TTC29: variants seen among roughly 807,000 people sequenced by gnomAD.
TTC29 encodes the protein tetratricopeptide repeat protein 29.
A neutral mutation model predicts 58.1 loss-of-function variants in TTC29; 49 were observed. The ratio of observed to expected loss-of-function variants is 0.84; its 90% CI spans 0.67 to 1.07. The LOEUF is 1.07. TTC29 is among the 50% of genes least tolerant of loss of function. TTC29 has a pLI of 0.00. For synonymous variants in TTC29, 209 were observed against 196.8 expected, an observed-to-expected ratio of 1.06 and a Z score of -0.52; for missense variants, 582 against 555.6, an observed-to-expected ratio of 1.05 and a Z score of -0.48.
intron 11 of TTC29, among the ~76,000 whole-genome samples, chr4:146,719,921 A>C (rs1437670775): frequency 6.6e-6 from 1 of 152,162 alleles, no homozygotes; most frequent in African/African-American, 2.4e-5. Context: ...ATTTGGTGCC[A>C]CGTAAGTGAA....
At chr4:146,759,100 G>T (rs1314225779) in intron 11 of TTC29, among the ~76,000 whole-genome samples, 1 of 151,956 alleles carries the variant, frequency 6.6e-6, no homozygotes, top group Non-Finnish European at 1.5e-5. Context: ...GATTAACCAA[G>T]GAGAGAGAAA....
At chr4:146,836,970 T>C (rs1041276082) in intron 8 of TTC29, among the ~76,000 whole-genome samples, 3 of 152,058 alleles carry the variant, frequency 2.0e-5, no homozygotes, top group African/African-American at 7.2e-5. Context: ...GAACTACCAT[T>C]CAACCCAGCA....
intron 11 of TTC29, among the ~76,000 whole-genome samples, chr4:146,740,347 G>T (rs1745029058): frequency 6.6e-6 from 1 of 152,226 alleles, no homozygotes; most frequent in East Asian, 1.9e-4. Context: ...GTAACAAAGA[G>T]GATGTTGAAG....
intron 10 of TTC29, among the ~76,000 whole-genome samples, chr4:146,810,451 C>G (rs1750938438): frequency 6.6e-6 from 1 of 151,992 alleles, no homozygotes. Flanking sequence ...CAAATATTGG[C>G]AGTTTCATAT....
intron 10 of TTC29, among the ~76,000 whole-genome samples, chr4:146,807,793 CA>C (rs1750717482): frequency 6.6e-6 from 1 of 152,112 alleles, no homozygotes; most frequent in Non-Finnish European, 1.5e-5. Context: ...GATCCACAGC[CA>C]AATTCTATCA....
chr4:146,803,122 T>C (rs1750347738), intron 11 of TTC29, among the ~76,000 whole-genome samples: 1 of 152,102 alleles, frequency 6.6e-6, no homozygotes. Context: ...AGGTATAACA[T>C]GGCGCATGCT....
intron 4 of TTC29, among the ~76,000 whole-genome samples, chr4:146,921,487 A>C (rs549627624): frequency 6.1e-4 from 92 of 151,366 alleles, no homozygotes; most frequent in South Asian, 1.9e-3. Flanking sequence ...TTACCATATA[A>C]TAATGCAAAT....
At chr4:146,750,987 A>G (rs564331014) in intron 11 of TTC29, among the ~76,000 whole-genome samples, 11 of 152,348 alleles carry the variant, frequency 7.2e-5, no homozygotes, top group African/African-American at 2.6e-4. Context: ...GTTTAAGCTT[A>G]AAGACACATG....
intron 4 of TTC29, among the ~76,000 whole-genome samples, chr4:146,911,335 A>G (rs1393410109): frequency 6.6e-6 from 1 of 152,108 alleles, no homozygotes; most frequent in East Asian, 1.9e-4. Context: ...TATCCTAATG[A>G]CTGCTCATGG....
chr4:146,721,695 A>C (rs889864822), intron 11 of TTC29, among the ~76,000 whole-genome samples: 14 of 152,208 alleles, frequency 9.2e-5, no homozygotes, highest in African/African-American at 3.4e-4. Flanking sequence ...AAAGACATAT[A>C]GTAAAGACAA....
intron 6 of TTC29, among the ~76,000 whole-genome samples, chr4:146,883,300 T>C (rs1731756950): frequency 6.6e-6 from 1 of 152,058 alleles, no homozygotes; most frequent in African/African-American, 2.4e-5. Context: ...CAGATGTAGT[T>C]GCAACGGGTG....
In TTC29 at chr4:146,707,127, T is replaced by C; in HGVS notation, c.*31A>G. 6.6e-6 allele frequency: 10 copies of C among 1,506,882 alleles called. No homozygotes were observed. The highest frequency in any genetic ancestry group is 8.0e-6 in the Non-Finnish European group (9 of 1,119,754). 93.3% of individuals were successfully genotyped at this position (1,506,882 alleles called of 1,614,324 possible). Reference sequence around the variant, plus strand: ...AGTCTAAGGTGACATGATGGATTTCTTCTTGCTTTGATGTTAAGTGAAAAG... The same window carrying C: ...AGTCTAAGGTGACATGATGGATTTCCTCTTGCTTTGATGTTAAGTGAAAAG... On this transcript the variant is annotated 3_prime_UTR_variant, in exon 13 of 13. Coordinates refer to ENST00000325106, the MANE Select transcript of TTC29 (RefSeq NM_031956.4).
At chr4:146,775,996 G>GT (rs1748064887) in intron 11 of TTC29, among the ~76,000 whole-genome samples, 1 of 151,924 alleles carries the variant, frequency 6.6e-6, no homozygotes, top group African/African-American at 2.4e-5. Context: ...CATCTTTATT[G>GT]TTTTTTCTTT....
At chr4:146,855,955 G>A (rs560145265) in intron 8 of TTC29, among the ~76,000 whole-genome samples, 1 of 152,156 alleles carries the variant, frequency 6.6e-6, no homozygotes, top group East Asian at 1.9e-4. Context: ...CTAGATCAAC[G>A]AGTGCTAACA....
At chr4:146,736,002 C>A (rs1029841331) in intron 11 of TTC29, among the ~76,000 whole-genome samples, 5 of 152,072 alleles carry the variant, frequency 3.3e-5, no homozygotes, top group Non-Finnish European at 1.5e-5. Flanking sequence ...ACAATACTAT[C>A]GAAGATTGGG....
In TTC29 at chr4:146,724,905, C is replaced by T. The variant is rs549462927; in HGVS notation, c.1331-17354G>A. 1.5e-4 allele frequency among the ~76,000 whole-genome samples: 23 copies of T among 152,208 alleles called. 1 individual carries two copies. The highest frequency in any genetic ancestry group is 4.6e-4 in the Admixed American group (7 of 15,288). On this transcript the variant is annotated intron_variant, in intron 11 of 12. Transcript: ENST00000325106. ...TTAATGGAGGAAGACTTCAGCTATACGACTTATCTTAATTTTTATGGATTC... is the reference window on the plus strand; with the variant it reads ...TTAATGGAGGAAGACTTCAGCTATATGACTTATCTTAATTTTTATGGATTC...
At chr4:146,762,371 T>C (rs1746979844) in intron 11 of TTC29, among the ~76,000 whole-genome samples, 1 of 148,548 alleles carries the variant, frequency 6.7e-6, no homozygotes, top group African/African-American at 2.5e-5. Context: ...TTCCTGTGAG[T>C]CTCAATGTCT....
intron 11 of TTC29, among the ~76,000 whole-genome samples, chr4:146,733,108 G>A (rs143231756): frequency 3.5e-4 from 54 of 152,198 alleles, no homozygotes; most frequent in African/African-American, 1.3e-3. Context: ...GGGGAGATTT[G>A]GGAGATGAGG....
chr4:146,750,248 C>T (rs759681520), intron 11 of TTC29, among the ~76,000 whole-genome samples: 1 of 152,140 alleles, frequency 6.6e-6, no homozygotes, highest in Non-Finnish European at 1.5e-5. Context: ...ACCTTGTGAT[C>T]CGCCCGCCTC....
Sources: gnomAD v4.1 joint callset for allele counts (sites outside exome capture counted in the v4.1 genomes callset) on GRCh38, gnomAD v4.1.1 for gene constraint, MANE v1.5 for transcripts, NCBI Gene and HGNC (gene_info 2026-07-23, HGNC 2026-07-21) for gene names.